The following ZNF469 variants were observed in gnomAD, a reference collection of about 807,000 sequenced individuals.
ZNF469 encodes zinc finger protein 469.
A neutral mutation model predicts 1.0 loss-of-function variants in ZNF469; 1 was observed. The ratio of observed to expected loss-of-function variants is 1.00; its 90% CI spans 0.35 to 4.73. The LOEUF (loss-of-function observed/expected upper bound fraction) is 4.73, where lower values mean the gene tolerates loss of function less well. ZNF469 is among the 30% of genes most tolerant of loss of function. ZNF469 has a pLI of 0.16. For synonymous variants in ZNF469, 2,703 were observed against 2,363.4 expected (o/e 1.14, Z -4.17); for missense variants, 6,100 against 5,356.3 (o/e 1.14, Z -4.33).
At chr16:88,154,194 G>T in the ZNF469 span, among the ~76,000 whole-genome samples, 1 of 152,208 alleles carries the variant, frequency 6.6e-6, no homozygotes, top group East Asian at 1.9e-4. Flanking sequence ...TTCTAGCTCT[G>T]TCGCCCAGGC....
At chr16:88,227,889 C>T in the ZNF469 span, among the ~76,000 whole-genome samples, 133 of 152,328 alleles carry the variant, frequency 8.7e-4, no homozygotes, top group Non-Finnish European at 1.6e-3. Flanking sequence ...CCAGGCTCCG[C>T]CTCCATTATT....
the ZNF469 span, among the ~76,000 whole-genome samples, chr16:88,366,149 CCAT>C: frequency 1.2e-3 from 177 of 148,844 alleles, no homozygotes; most frequent in African/African-American, 4.0e-3. Context: ...ACCATCATCA[CCAT>C]CATCATCACC....
chr16:88,316,040 G>A, the ZNF469 span, among the ~76,000 whole-genome samples: 1 of 152,220 alleles, frequency 6.6e-6, no homozygotes, highest in Non-Finnish European at 1.5e-5. Context: ...GCGGCACCTG[G>A]ACCACGCGTC....
the ZNF469 span, among the ~76,000 whole-genome samples, chr16:88,248,753 G>A: frequency 3.9e-5 from 6 of 152,158 alleles, no homozygotes; most frequent in South Asian, 2.1e-4. Flanking sequence ...ATGACGAGAC[G>A]GGTACAGGGA....
At chr16:88,364,489 CAAAA>C in the ZNF469 span, among the ~76,000 whole-genome samples, 22 of 56,160 alleles carry the variant, frequency 3.9e-4, no homozygotes, top group South Asian at 1.6e-3. Flanking sequence ...TGTTGATTTC[CAAAA>C]AAAAAAAAAA....
chr16:88,138,022 C>G, the ZNF469 span, among the ~76,000 whole-genome samples: 1 of 152,176 alleles, frequency 6.6e-6, no homozygotes, highest in African/African-American at 2.4e-5. Flanking sequence ...CATCACGGAG[C>G]ATTCCACCAC....
the ZNF469 span, among the ~76,000 whole-genome samples, chr16:88,227,574 G>GC: frequency 2.0e-3 from 260 of 127,708 alleles, no homozygotes; most frequent in East Asian, 9.1e-3. Context: ...CCCCGGCCTG[G>GC]CCCCCCCCTT....
chr16:88,173,758 C>T, the ZNF469 span, among the ~76,000 whole-genome samples: 2 of 152,030 alleles, frequency 1.3e-5, no homozygotes, highest in Non-Finnish European at 1.5e-5. Context: ...TGAAGTGGAA[C>T]AATATCATTT....
the ZNF469 span, among the ~76,000 whole-genome samples, chr16:88,208,861 C>G: frequency 6.6e-6 from 1 of 151,302 alleles, no homozygotes; most frequent in Non-Finnish European, 1.5e-5. Context: ...CGAGCTCCCA[C>G]GATGCCTCCA....
At chr16:88,277,696 G>C in the ZNF469 span, among the ~76,000 whole-genome samples, 2 of 108,508 alleles carry the variant, frequency 1.8e-5, no homozygotes, top group African/African-American at 3.6e-5. Flanking sequence ...TGCACGGTTA[G>C]TGCTGCACCA....
intron 1 of ZNF469, among the ~76,000 whole-genome samples, chr16:88,421,928 C>T (rs908829009): frequency 2.6e-5 from 4 of 152,184 alleles, no homozygotes; most frequent in Non-Finnish European, 5.9e-5. Context: ...GTGCCTGACA[C>T]AGCATCCAAC....
chr16:88,393,966 G>A (rs376419334), intron 1 of ZNF469, among the ~76,000 whole-genome samples: 1 of 152,202 alleles, frequency 6.6e-6, no homozygotes, highest in East Asian at 1.9e-4. Flanking sequence ...CAGGAGGGGG[G>A]TTTGACACGT....
At chr16:88,259,854 AGC>A in the ZNF469 span, among the ~76,000 whole-genome samples, 1 of 152,220 alleles carries the variant, frequency 6.6e-6, no homozygotes, top group African/African-American at 2.4e-5. This position sits in a 1 kb window ranked among gnomAD's most constrained non-coding sequence, Gnocchi z 4.1. Context: ...ACATCTGAGC[AGC>A]AGAGCTGATG....
At chr16:88,370,905 G>C in the ZNF469 span, among the ~76,000 whole-genome samples, 2 of 152,206 alleles carry the variant, frequency 1.3e-5, no homozygotes, top group Admixed American at 1.3e-4. Flanking sequence ...TGCTGAGCTT[G>C]GGAACCCTGC....
the ZNF469 span, among the ~76,000 whole-genome samples, chr16:88,124,292 G>C: frequency 6.6e-6 from 1 of 152,120 alleles, no homozygotes; most frequent in South Asian, 2.1e-4. Context: ...GGAGTGCAGT[G>C]GTGCAATCAT....
At chr16:88,240,711 A>G in the ZNF469 span, among the ~76,000 whole-genome samples, 6 of 152,176 alleles carry the variant, frequency 3.9e-5, no homozygotes, top group Non-Finnish European at 8.8e-5. Flanking sequence ...AAGGCAACTT[A>G]GGGATATTTT....
In ZNF469 at chr16:88,430,757, C is replaced by CG; in HGVS notation, c.3289dup (p.Glu1097GlyfsTer38). 6.6e-7 allele frequency: 1 copy of CG among 1,509,516 alleles called. No individual in the cohort carries two copies. The highest frequency in any genetic ancestry group is 8.8e-7 in the Non-Finnish European group (1 of 1,136,084). The allele number at this position is 1,509,516 out of a possible 1,614,324, so 93.5% of individuals were successfully genotyped here. ...AGGCTCCGCGAGTACGACTTCGCCT[C>CG]GGAGTCCGAGGAGGACGAGCAGCCT... On this transcript the variant is annotated frameshift_variant, in exon 3 of 3. Coordinates refer to ENST00000565624, the MANE Select transcript of ZNF469 (RefSeq NM_001367624.2). LOFTEE classifies it low-confidence loss of function (END_TRUNC).
chr16:88,309,799 AT>A, the ZNF469 span, among the ~76,000 whole-genome samples: 242 of 152,170 alleles, frequency 1.6e-3, 4 homozygotes, highest in East Asian at 0.031. Flanking sequence ...CTCTCCTCAA[AT>A]GCTGGCCTCC....
At chr16:88,222,426 C>G in the ZNF469 span, among the ~76,000 whole-genome samples, 1 of 152,158 alleles carries the variant, frequency 6.6e-6, no homozygotes, top group African/African-American at 2.4e-5. Flanking sequence ...GTAGCTGGGA[C>G]TACAAGTGCA....
Sources: allele counts gnomAD v4.1 joint callset (sites outside exome capture counted in the v4.1 genomes callset), GRCh38; gene constraint gnomAD v4.1.1; non-coding constraint Gnocchi (gnomAD v3.1); transcripts MANE v1.5; gene names NCBI Gene and HGNC (gene_info 2026-07-23, HGNC 2026-07-21).